Variants in PLIN5 observed in about 807,000 individuals in gnomAD.
The protein encoded by PLIN5 is perilipin-5.
PLIN5 carries 34 observed loss-of-function variants against 32.8 expected under a neutral mutation model. The observed-to-expected ratio is 1.04, with a 90% CI of 0.79 to 1.38. The LOEUF is 1.38. Among genes scored for constraint, PLIN5 ranks in the 40% most tolerant of loss-of-function variants. The pLI is 0.00. For synonymous variants in PLIN5, 309 were observed against 292.9 expected, an observed-to-expected ratio of 1.05 and a Z score of -0.56; for missense variants, 712 against 660.5, an observed-to-expected ratio of 1.08 and a Z score of -0.85.
chr19:4,529,399 A>G (rs1182416880), intron 4 of PLIN5, 146 bp from the exon 5 acceptor site: 2 of 852,130 alleles, frequency 2.3e-6, no homozygotes, highest in South Asian at 3.7e-5. Context: ...GGGTGATAAA[A>G]CCCTTCCCTC....
Position 4,531,836 on chromosome 19 carries a change from C to A in PLIN5, c.61-14G>T. 1 of 1,525,344 alleles carries A rather than the reference C, an allele frequency of 6.6e-7. No homozygotes were observed. Among genetic ancestry groups the A allele is most frequent in the Non-Finnish European group, 8.8e-7 (1 of 1,135,570 alleles). The allele number at this position is 1,525,344 out of a possible 1,614,324, so 94.5% of individuals were successfully genotyped here. On this transcript the variant is annotated splice_polypyrimidine_tract_variant and intron_variant, in intron 2 of 7. Coordinates refer to ENST00000381848, the MANE Select transcript of PLIN5 (RefSeq NM_001013706.3). ...CTGCACCACGTTCTGCGGGAAGGGT[C>A]GGCATCAGGGGGACCCTGGGGGAAG...
chr19:4,523,587 C>T lies in PLIN5; in HGVS notation c.1333G>A (p.Glu445Lys), dbSNP rs775477811. Reference protein sequence around the residue: ...MGVAGDICEQEPETPSCPVKH... With the variant: ...MGVAGDICEQKPETPSCPVKH... Reference sequence around the variant, plus strand: ...ACCGGGCAGCTGGGGGTCTCGGGTTCCTGCTCGCAGATGTCCCCGGCAACA... The same window carrying T: ...ACCGGGCAGCTGGGGGTCTCGGGTTTCTGCTCGCAGATGTCCCCGGCAACA... Residue 445 changes from glutamate to lysine, a missense_variant, in exon 8 of 8, where the codon GAA (glutamate) becomes AAA (lysine). Coordinates refer to ENST00000381848, the MANE Select transcript of PLIN5 (RefSeq NM_001013706.3). This position sits in a 1 kb window ranked among gnomAD's most constrained non-coding sequence, Gnocchi z 5.0. 5 of 1,603,848 alleles carry T rather than the reference C, an allele frequency of 3.1e-6. No individual in the cohort carries two copies. Among genetic ancestry groups the T allele is most frequent in the Admixed American group, 1.7e-5 (1 of 59,060 alleles).
rs989027305 is a variant in PLIN5 at position 4,522,948 on chromosome 19, T to C, written c.*580A>G. ...TTTTTTGTTAGATGGAGTCTCGCTC[T>C]GTCACCCAGGCTGGTGTGCAGTGGC... On this transcript the variant is annotated 3_prime_UTR_variant, in exon 8 of 8. Transcript: ENST00000381848. 1.3e-5 allele frequency: 2 copies of C among 152,286 alleles called. No individual in the cohort carries two copies. Among genetic ancestry groups the C allele is most frequent in the Non-Finnish European group, 2.9e-5 (2 of 68,090 alleles). 9.4% of individuals were successfully genotyped at this position (152,286 alleles called of 1,614,324 possible). A position where few individuals can be genotyped will look rare whatever the true frequency, so the allele number is the denominator to read the frequency against.
intron 2 of PLIN5, among the ~76,000 whole-genome samples, 192 bp from the exon 3 acceptor site, chr19:4,532,014 T>C (rs1976892681): frequency 6.6e-6 from 1 of 152,228 alleles, no homozygotes; most frequent in South Asian, 2.1e-4. Context: ...ACTCACAGGC[T>C]CCTCTTCCCA....
intron 3 of PLIN5, 70 bp from the exon 4 acceptor site, chr19:4,529,936 TAGA>T (rs1207549626): frequency 6.3e-6 from 6 of 958,608 alleles, no homozygotes; most frequent in South Asian, 3.6e-5. Flanking sequence ...GTGAGAGTTG[TAGA>T]AGGAGGGAAT....
chr19:4,534,377 A>G (rs1015642732), intron 1 of PLIN5: 19 of 389,712 alleles, frequency 4.9e-5, no homozygotes, highest in Non-Finnish European at 1.8e-5. Flanking sequence ...TTGCGGTGTT[A>G]TTTTTATTAT....
Position 4,523,359 on chromosome 19 carries a change from G to GA in PLIN5, c.*168dup. On this transcript the variant is annotated 3_prime_UTR_variant, in exon 8 of 8. Coordinates refer to ENST00000381848, the MANE Select transcript of PLIN5 (RefSeq NM_001013706.3). The surrounding 1 kb of genome is among the most constrained non-coding windows in gnomAD (Gnocchi z 5.0). ...GGGCCTCTTTGTCCATGTGTTCAAG[G>GA]AAAAAATGGGAGAGTCCAATACCAA... 2 of 742,062 alleles carry GA rather than the reference G, an allele frequency of 2.7e-6. No individual in the cohort carries two copies. Among genetic ancestry groups the GA allele is most frequent in the South Asian group, 2.6e-5 (1 of 37,816 alleles). The allele number at this position is 742,062 out of a possible 1,614,324, so 46.0% of individuals were successfully genotyped here.
At chr19:4,529,007 A>C in intron 5 of PLIN5, 66 bp downstream of exon 5, 4 of 1,529,262 alleles carry the variant, frequency 2.6e-6, no homozygotes, top group Non-Finnish European at 3.5e-6. Flanking sequence ...GACCTCTCTG[A>C]TCTGTACCAC....
chr19:4,533,919 A>G, intron 2 of PLIN5, 96 bp downstream of exon 2: 1 of 1,356,452 alleles, frequency 7.4e-7, no homozygotes, highest in South Asian at 1.3e-5. Context: ...CAGCAAGGAG[A>G]GGAGTGGGGC....
chr19:4,529,523 C>CATATACATATATACGTATACGTAT (rs1568245194), intron 4 of PLIN5: 24 of 502,470 alleles, frequency 4.8e-5, no homozygotes, highest in Non-Finnish European at 6.7e-5. Context: ...TATATATACA[C>CATATACATATATACGTATACGTAT]ATATACATAT....
At chr19:4,527,326 C>A (rs1380053822) in intron 5 of PLIN5, among the ~76,000 whole-genome samples, 1 of 151,782 alleles carries the variant, frequency 6.6e-6, no homozygotes, top group Non-Finnish European at 1.5e-5. Flanking sequence ...CCCTCCTCGG[C>A]CTCCCAAAGT....
chr19:4,525,920 C>T lies in PLIN5; in HGVS notation c.521-88G>A, dbSNP rs1050413089. 7.4e-5 allele frequency: 39 copies of T among 528,992 alleles called. No homozygotes were observed. Among genetic ancestry groups the T allele is most frequent in the African/African-American group, 1.2e-4 (3 of 25,058 alleles). The allele number at this position is 528,992 out of a possible 1,614,324, so 32.8% of individuals were successfully genotyped here. ...ACGGGGACAGCACGGGGACAGGATA[C>T]GGGGACAGCACGGGGACAGGATACG... On this transcript the variant is annotated intron_variant, in intron 5 of 7. Transcript: ENST00000381848. The surrounding 1 kb of genome is among the most constrained non-coding windows in gnomAD (Gnocchi z 5.6).
rs1057125206 is a variant in PLIN5, at chr19:4,525,934, G to A, written c.521-102C>T. 9.7e-6 allele frequency: 6 copies of A among 616,060 alleles called. No individual in the cohort carries two copies. Among genetic ancestry groups the A allele is most frequent in the African/African-American group, 2.6e-5 (1 of 37,856 alleles). The allele number at this position is 616,060 out of a possible 1,614,324, so 38.2% of individuals were successfully genotyped here. Reference sequence around the variant, plus strand: ...GGGACAGGATACGGGGACAGCACGGGGACAGGATACGGGGACAGCACGGGG... The same window carrying A: ...GGGACAGGATACGGGGACAGCACGGAGACAGGATACGGGGACAGCACGGGG... On this transcript the variant is annotated intron_variant, in intron 5 of 7. Coordinates refer to ENST00000381848, the MANE Select transcript of PLIN5 (RefSeq NM_001013706.3). The surrounding 1 kb of genome is among the most constrained non-coding windows in gnomAD (Gnocchi z 5.6).
chr19:4,523,568 C>T lies in PLIN5; in HGVS notation c.1352G>A (p.Cys451Tyr). The T allele has an allele frequency of 1.3e-6, 2 of 1,594,966 alleles. No individual in the cohort carries two copies. The highest frequency in any genetic ancestry group is 1.7e-6 in the Non-Finnish European group (2 of 1,169,886). Residue 451 changes from cysteine (C) to tyrosine (Y), a missense_variant, in exon 8 of 8, where the codon TGC (cysteine) becomes TAC (tyrosine). Cys to Tyr is a radical substitution (Grantham distance 194). Transcript: ENST00000381848. The surrounding 1 kb of genome is among the most constrained non-coding windows in gnomAD (Gnocchi z 5.0). Reference protein sequence around the residue: ...ICEQEPETPSCPVKHTLMPEL... With the variant: ...ICEQEPETPSYPVKHTLMPEL... ...GGGCATCAGGGTGTGCTTGACCGGG[C>T]AGCTGGGGGTCTCGGGTTCCTGCTC...
intron 7 of PLIN5, among the ~76,000 whole-genome samples, chr19:4,524,505 T>C (rs1431458463): frequency 6.6e-6 from 1 of 152,108 alleles, no homozygotes; most frequent in Non-Finnish European, 1.5e-5. Flanking sequence ...TGAGCTGAGA[T>C]CGCGCCACTG....
At chr19:4,524,905 C>G (rs928521411) in intron 7 of PLIN5, 58 bp downstream of exon 7, 14 of 1,442,612 alleles carry the variant, frequency 9.7e-6, no homozygotes, top group East Asian at 2.7e-5. Context: ...GTCGCTCCCC[C>G]TCTTCCTCCG....
chr19:4,529,327 G>A, intron 4 of PLIN5, 74 bp from the exon 5 acceptor site: 1 of 1,473,442 alleles, frequency 6.8e-7, no homozygotes, highest in Non-Finnish European at 9.1e-7. Flanking sequence ...GTTCCCTGGG[G>A]CTGGGACTCA....
At chr19:4,532,220 C>T (rs1464947971) in intron 2 of PLIN5, among the ~76,000 whole-genome samples, 1 of 151,152 alleles carries the variant, frequency 6.6e-6, no homozygotes, top group Non-Finnish European at 1.5e-5. Context: ...AAGAGGGAGT[C>T]TCGCTCTATC....
Position 4,531,823 on chromosome 19 carries a change from C to T in PLIN5, c.61-1G>A. On this transcript the variant is annotated splice_acceptor_variant, in intron 2 of 7. Transcript: ENST00000381848. LOFTEE classifies it high-confidence loss of function. ...GAGCCACCACACGCTGCACCACGTT[C>T]TGCGGGAAGGGTCGGCATCAGGGGG... The T allele has an allele frequency of 1.3e-6, 2 of 1,543,574 alleles. No individual in the cohort carries two copies. Among genetic ancestry groups the T allele is most frequent in the East Asian group, 2.4e-5 (1 of 41,642 alleles).
Sources: gnomAD v4.1 joint callset for allele counts (sites outside exome capture counted in the v4.1 genomes callset) on GRCh38, gnomAD v4.1.1 for gene constraint, Gnocchi (gnomAD v3.1) non-coding constraint, MANE v1.5 for transcripts, NCBI Gene and HGNC (gene_info 2026-07-23, HGNC 2026-07-21) for gene names.